The following EPHA6 variants were observed in gnomAD, a reference collection of about 807,000 sequenced individuals.
EPHA6 encodes EPH receptor A6.
In EPHA6, 50 loss-of-function variants were observed where a neutral mutation model predicts 112.0. That is an observed-to-expected ratio of 0.45 (90% CI 0.36 to 0.56). EPHA6 has a LOEUF of 0.56. EPHA6 is among the 20% of genes least tolerant of loss of function. EPHA6 has a pLI of 0.00. For missense variants in EPHA6, 1,280 were observed against 1,417.4 expected (o/e 0.90, Z 1.56); for synonymous variants, 529 against 490.7 (o/e 1.08, Z -1.03).
chr3:97,718,319 T>A (rs767882554), intron 14 of EPHA6, among the ~76,000 whole-genome samples: 7 of 152,222 alleles, frequency 4.6e-5, no homozygotes, highest in Non-Finnish European at 8.8e-5. Flanking sequence ...TTTTAGAACA[T>A]GACTTTATGT....
chr3:97,120,399 T>C (rs1038879786), intron 3 of EPHA6, among the ~76,000 whole-genome samples: 10 of 151,880 alleles, frequency 6.6e-5, no homozygotes, highest in African/African-American at 2.2e-4. Context: ...TAAAACTTTG[T>C]GTGGCTATTG....
intron 15 of EPHA6, 47 bp downstream of exon 15, chr3:97,720,457 A>T: frequency 6.6e-7 from 1 of 1,514,092 alleles, no homozygotes; most frequent in Non-Finnish European, 8.9e-7. Context: ...ATGTAAACAC[A>T]TTAGCTTGAG....
intron 1 of EPHA6, among the ~76,000 whole-genome samples, chr3:96,856,088 A>T (rs1050438435): frequency 5.9e-5 from 9 of 152,034 alleles, no homozygotes. Context: ...AAAAGTGCAA[A>T]CATTAGCCGG....
chr3:97,450,032 T>C (rs1439738438), intron 7 of EPHA6, among the ~76,000 whole-genome samples: 1 of 151,982 alleles, frequency 6.6e-6, no homozygotes, highest in African/African-American at 2.4e-5. Flanking sequence ...GGAGAATGAG[T>C]AAACTAATTA....
At chr3:97,400,591 A>G (rs79375729) in intron 5 of EPHA6, among the ~76,000 whole-genome samples, 3,194 of 151,640 alleles carry the variant, frequency 0.021, 105 homozygotes, top group African/African-American at 0.072. Flanking sequence ...GTTTCCTCTT[A>G]AAGTTTTTCA....
chr3:97,324,432 T>C (rs1230925900), intron 5 of EPHA6, among the ~76,000 whole-genome samples: 1 of 146,456 alleles, frequency 6.8e-6, no homozygotes, highest in South Asian at 2.2e-4. Flanking sequence ...TTTCTTTCTT[T>C]CTTTCTTTCT....
chr3:97,076,504 T>C (rs983026693), intron 3 of EPHA6, among the ~76,000 whole-genome samples: 8 of 152,188 alleles, frequency 5.3e-5, no homozygotes, highest in African/African-American at 1.9e-4. Context: ...GTCATGTTCA[T>C]AGCATAATAA....
At chr3:97,650,567 C>T (rs995715962) in intron 14 of EPHA6, among the ~76,000 whole-genome samples, 5 of 151,910 alleles carry the variant, frequency 3.3e-5, no homozygotes, top group Admixed American at 2.0e-4. Flanking sequence ...ATAGATCCAT[C>T]TGGCTCAGTC....
At chr3:97,633,397 A>G (rs2107542249) in intron 13 of EPHA6, among the ~76,000 whole-genome samples, 1 of 152,218 alleles carries the variant, frequency 6.6e-6, no homozygotes, top group Middle Eastern at 3.4e-3. Context: ...CTTCCTGGGA[A>G]GAGACCATAT....
chr3:97,262,845 G>T (rs140560202), intron 5 of EPHA6, among the ~76,000 whole-genome samples: 162 of 152,106 alleles, frequency 1.1e-3, no homozygotes, highest in Middle Eastern at 6.8e-3. Context: ...TATTCCCTGT[G>T]CCTACAATAA....
chr3:96,972,226 A>G (rs2042341285), intron 2 of EPHA6, among the ~76,000 whole-genome samples: 1 of 152,082 alleles, frequency 6.6e-6, no homozygotes, highest in Non-Finnish European at 1.5e-5. Context: ...TTTTGAAGAA[A>G]AACAATAAAG....
intron 2 of EPHA6, among the ~76,000 whole-genome samples, chr3:96,975,218 A>G (rs1022381563): frequency 5.9e-5 from 9 of 152,064 alleles, no homozygotes; most frequent in African/African-American, 2.2e-4. Context: ...TGTGAGAGTA[A>G]CACATCATAA....
intron 7 of EPHA6, among the ~76,000 whole-genome samples, chr3:97,461,518 C>T (rs941475962): frequency 3.9e-5 from 6 of 152,088 alleles, no homozygotes; most frequent in African/African-American, 1.4e-4. Context: ...GGTTAGAGCT[C>T]AATAAATGAT....
chr3:97,120,797 C>G (rs973229130), intron 3 of EPHA6, among the ~76,000 whole-genome samples: 5 of 151,484 alleles, frequency 3.3e-5, no homozygotes, highest in Admixed American at 6.6e-5. Flanking sequence ...TTGAACCAAC[C>G]AAATAAGGTT....
At chr3:97,571,424 A>T in intron 11 of EPHA6, among the ~76,000 whole-genome samples, 1 of 152,164 alleles carries the variant, frequency 6.6e-6, no homozygotes, top group East Asian at 1.9e-4. Context: ...AAGCAATTGC[A>T]TATGTTAGGC....
intron 13 of EPHA6, among the ~76,000 whole-genome samples, chr3:97,634,072 T>C (rs2093925693): frequency 6.6e-6 from 1 of 152,094 alleles, no homozygotes; most frequent in Non-Finnish European, 1.5e-5. Context: ...CAGTTGTTTT[T>C]CCAAAAACTC....
chr3:97,175,593 A>G (rs1487968255), intron 3 of EPHA6, among the ~76,000 whole-genome samples: 1 of 151,714 alleles, frequency 6.6e-6, no homozygotes, highest in Non-Finnish European at 1.5e-5. Flanking sequence ...AGTTTTCATT[A>G]TAGATCTCCT....
At chr3:97,343,162 G>T (rs1002473505) in intron 5 of EPHA6, among the ~76,000 whole-genome samples, 7 of 152,192 alleles carry the variant, frequency 4.6e-5, no homozygotes, top group Admixed American at 2.6e-4. Context: ...ATTATGTATA[G>T]AAAGTTGATT....
intron 4 of EPHA6, among the ~76,000 whole-genome samples, chr3:97,241,020 G>C (rs780937200): frequency 1.3e-5 from 2 of 151,618 alleles, no homozygotes; most frequent in African/African-American, 4.8e-5. Context: ...TACTCCGAGA[G>C]GAAGATTGGG....
Sources: gnomAD v4.1 joint callset for allele counts (sites outside exome capture counted in the v4.1 genomes callset) on GRCh38, gnomAD v4.1.1 for gene constraint, MANE v1.5 for transcripts, NCBI Gene and HGNC (gene_info 2026-07-23, HGNC 2026-07-21) for gene names.